The following KHDRBS2 variants were observed in gnomAD, a reference collection of about 807,000 sequenced individuals.
KHDRBS2 encodes the protein KH RNA binding domain containing, signal transduction associated 2.
Under a neutral mutation model 44.3 loss-of-function variants are expected in KHDRBS2, and 26 were observed. That is an observed-to-expected ratio of 0.59 (90% confidence interval 0.43 to 0.81). KHDRBS2 has a LOEUF of 0.81. Among genes scored for constraint, KHDRBS2 ranks in the 40% least tolerant of loss-of-function variants. The probability of loss-of-function intolerance (pLI) is 0.00; values close to 1 mark genes in which losing one functional copy is unlikely to be tolerated. For synonymous variants in KHDRBS2, 194 were observed against 151.1 expected (o/e 1.28, Z -2.08); for missense variants, 476 against 433.1 (o/e 1.10, Z -0.88).
chr6:61,747,562 T>C (rs1777050234), intron 6 of KHDRBS2, among the ~76,000 whole-genome samples: 1 of 152,332 alleles, frequency 6.6e-6, no homozygotes, highest in East Asian at 1.9e-4. Context: ...TAGTAAATTA[T>C]GCATGACAAA....
At chr6:61,606,836 T>G in the KHDRBS2 span, among the ~76,000 whole-genome samples, 1 of 152,180 alleles carries the variant, frequency 6.6e-6, no homozygotes, top group Non-Finnish European at 1.5e-5. Flanking sequence ...CTTTTCAGGT[T>G]TATTTTTATC....
intron 6 of KHDRBS2, among the ~76,000 whole-genome samples, chr6:61,753,380 G>A (rs1399810353): frequency 6.6e-6 from 1 of 152,090 alleles, no homozygotes; most frequent in African/African-American, 2.4e-5. Context: ...GGACTTGACC[G>A]GTGGTGGTAC....
intron 2 of KHDRBS2, among the ~76,000 whole-genome samples, chr6:62,058,222 G>A (rs1790745169): frequency 1.3e-5 from 2 of 151,780 alleles, no homozygotes; most frequent in South Asian, 4.2e-4. Context: ...CAAGGCCAGT[G>A]TTGCTCACTG....
At chr6:61,969,046 G>A (rs1374540382) in intron 4 of KHDRBS2, among the ~76,000 whole-genome samples, 6 of 151,936 alleles carry the variant, frequency 3.9e-5, no homozygotes, top group East Asian at 1.9e-4. Flanking sequence ...ATCCCTTCCA[G>A]TTCTATAATT....
intron 6 of KHDRBS2, among the ~76,000 whole-genome samples, chr6:61,813,335 A>G (rs1256436211): frequency 2.0e-5 from 3 of 152,112 alleles, no homozygotes; most frequent in Non-Finnish European, 4.4e-5. Context: ...TTGATATTAT[A>G]CTACTAAAGG....
At chr6:61,799,038 C>A (rs1400390782) in intron 6 of KHDRBS2, among the ~76,000 whole-genome samples, 1 of 152,000 alleles carries the variant, frequency 6.6e-6, no homozygotes, top group Non-Finnish European at 1.5e-5. Flanking sequence ...CTAGTCTGGA[C>A]TTGAAGCATC....
At chr6:61,806,540 A>T (rs1787196945) in intron 6 of KHDRBS2, among the ~76,000 whole-genome samples, 1 of 152,192 alleles carries the variant, frequency 6.6e-6, no homozygotes, top group Non-Finnish European at 1.5e-5. Context: ...AACACCCATT[A>T]TATAGGAGAT....
intron 3 of KHDRBS2, among the ~76,000 whole-genome samples, chr6:61,982,842 T>C (rs376471538): frequency 1.6e-4 from 25 of 152,188 alleles, no homozygotes; most frequent in East Asian, 9.6e-4. Context: ...ATGGCCTTTG[T>C]TTGAAACAGT....
intron 1 of KHDRBS2, among the ~76,000 whole-genome samples, chr6:62,252,834 T>A (rs932262471): frequency 3.9e-5 from 6 of 152,176 alleles, no homozygotes; most frequent in African/African-American, 1.4e-4. Flanking sequence ...GGTCAGTCTA[T>A]TGATAATTTG....
intron 3 of KHDRBS2, among the ~76,000 whole-genome samples, chr6:62,037,048 C>T (rs1287953210): frequency 4.6e-5 from 7 of 151,678 alleles, no homozygotes; most frequent in Non-Finnish European, 8.8e-5. Context: ...TATAGAGTTG[C>T]CAACAAAGCA....
chr6:61,753,322 C>T (rs1481492139), intron 6 of KHDRBS2, among the ~76,000 whole-genome samples: 1 of 152,142 alleles, frequency 6.6e-6, no homozygotes, highest in Non-Finnish European at 1.5e-5. Context: ...CTTCCTCGAT[C>T]TCAGTTTTCA....
chr6:61,723,667 A>C lies in KHDRBS2; in HGVS notation c.893+9015T>G, dbSNP rs191229280. ...TGGAGCTGAAAAACTCAATACGAGA[A>C]CGTCACAATGCAATCAGAAGTATCA... is the stretch of plus-strand genomic sequence containing the variant. On this transcript the variant is annotated intron_variant, in intron 7 of 8. Coordinates refer to ENST00000281156, the MANE Select transcript of KHDRBS2 (RefSeq NM_152688.4). 1.5e-3 allele frequency among the ~76,000 whole-genome samples: 236 copies of C among 152,278 alleles called. 1 individual carries two copies. Among genetic ancestry groups the C allele is most frequent in the African/African-American group, 5.3e-3 (220 of 41,566 alleles).
the KHDRBS2 span, among the ~76,000 whole-genome samples, chr6:61,649,783 G>C: frequency 2.6e-5 from 4 of 151,958 alleles, no homozygotes; most frequent in South Asian, 6.2e-4. Flanking sequence ...AACACTCAAG[G>C]CTAAGCTACA....
At chr6:61,662,669 T>C in the KHDRBS2 span, among the ~76,000 whole-genome samples, 2 of 151,948 alleles carry the variant, frequency 1.3e-5, no homozygotes, top group Non-Finnish European at 2.9e-5. Context: ...TCACTGGCCA[T>C]CAGAGAAATG....
intron 2 of KHDRBS2, among the ~76,000 whole-genome samples, chr6:62,122,714 C>CTA (rs749271376): frequency 3.3e-5 from 5 of 150,254 alleles, no homozygotes; most frequent in African/African-American, 7.4e-5. Context: ...AAGACACCAC[C>CTA]TGAAAGTGGA....
At chr6:61,979,298 T>C (rs1307778892) in intron 3 of KHDRBS2, among the ~76,000 whole-genome samples, 1 of 152,122 alleles carries the variant, frequency 6.6e-6, no homozygotes, top group Non-Finnish European at 1.5e-5. Context: ...ACATTAATTA[T>C]GTTTTATCTT....
At chr6:62,156,324 T>C (rs1816366706) in intron 2 of KHDRBS2, among the ~76,000 whole-genome samples, 1 of 152,198 alleles carries the variant, frequency 6.6e-6, no homozygotes, top group African/African-American at 2.4e-5. Flanking sequence ...AAAACTTTTA[T>C]GTTAATACTC....
At chr6:62,090,117 G>T (rs1227636528) in intron 2 of KHDRBS2, among the ~76,000 whole-genome samples, 5 of 152,034 alleles carry the variant, frequency 3.3e-5, no homozygotes, top group Non-Finnish European at 5.9e-5. Flanking sequence ...AATGACAGTA[G>T]AACAAAGATA....
chr6:61,924,991 G>T (rs77541848), intron 4 of KHDRBS2, among the ~76,000 whole-genome samples: 3,436 of 152,116 alleles, frequency 0.023, 125 homozygotes, highest in African/African-American at 0.078. Context: ...ATATGAGCTT[G>T]CATTTAAAAC....
Sources: allele counts gnomAD v4.1 joint callset (sites outside exome capture counted in the v4.1 genomes callset), GRCh38; gene constraint gnomAD v4.1.1; transcripts MANE v1.5; gene names NCBI Gene and HGNC (gene_info 2026-07-23, HGNC 2026-07-21).